Variants in AGAP1 observed in about 807,000 individuals in gnomAD.
AGAP1 encodes ArfGAP with GTPase domain, ankyrin repeat and PH domain 1.
In AGAP1, 29 loss-of-function variants were observed where a neutral mutation model predicts 105.3. The observed-to-expected ratio is 0.28, with a 90% CI of 0.21 to 0.38. AGAP1 has a LOEUF of 0.38. Among genes scored for constraint, AGAP1 ranks in the 10% least tolerant of loss-of-function variants. AGAP1 has a pLI of 1.00. For synonymous variants in AGAP1, 509 were observed against 485.9 expected (o/e 1.05, Z -0.63); for missense variants, 998 against 1,165.1 (o/e 0.86, Z 2.09).
intron 1 of AGAP1, among the ~76,000 whole-genome samples, chr2:235,540,191 C>T (rs1204470134): frequency 6.9e-6 from 1 of 144,932 alleles, no homozygotes; most frequent in Non-Finnish European, 1.5e-5. Context: ...TACTCTGTTG[C>T]CCAGGCTGGA....
rs2052058514 is a variant in AGAP1, at chr2:235,919,380, A to C, written c.1324+10474A>C. Among the ~76,000 whole-genome samples, 1 of 152,198 alleles carries C rather than the reference A, an allele frequency of 6.6e-6. No homozygotes were observed. The highest frequency in any genetic ancestry group is 1.5e-5 in the Non-Finnish European group (1 of 68,040). On this transcript the variant is annotated intron_variant, in intron 11 of 17. Coordinates refer to ENST00000304032, the MANE Select transcript of AGAP1 (RefSeq NM_001037131.3). The surrounding 1 kb of genome is among the most constrained non-coding windows in gnomAD (Gnocchi z 4.1). ...CATTGTTTTGAGTTACCACTCATATAGTGAACGTTTGCGTTTCTGGAGTAT... is the reference window on the plus strand; with the variant it reads ...CATTGTTTTGAGTTACCACTCATATCGTGAACGTTTGCGTTTCTGGAGTAT...
intron 1 of AGAP1, among the ~76,000 whole-genome samples, chr2:235,594,825 C>T (rs948279026): frequency 3.3e-5 from 5 of 150,238 alleles, no homozygotes; most frequent in South Asian, 2.1e-4. Flanking sequence ...CCACCTGCCT[C>T]GGCCTCCCAG....
Position 236,118,608 on chromosome 2 carries a change from C to G in AGAP1, c.2115-1584C>G, listed in dbSNP as rs368157941. On this transcript the variant is annotated intron_variant, in intron 16 of 17. Transcript: ENST00000304032. ...TTCACCATGTTGGCCAAGCTGGTCT[C>G]GAACTCCTGACCTCAGGTGATCCAC... 3.9e-5 allele frequency among the ~76,000 whole-genome samples: 6 copies of G among 152,078 alleles called. No homozygotes were observed. In the East Asian group the frequency reaches 1.2e-3, roughly 30 times the overall value.
rs183616934 is a variant in AGAP1, at chr2:235,709,183, C to T, written c.168C>T (p.Ala56=). ...IREHVIAIED[A]FVNSQEWTLS... ...TTGTGTCCTCCTCTTTTTCAGATGC[C>T]TTCGTGAACAGCCAGGAATGGACGC... Residue 56 remains alanine, a synonymous_variant, in exon 2 of 18, where the codon GCC becomes GCT. Coordinates refer to ENST00000304032, the MANE Select transcript of AGAP1 (RefSeq NM_001037131.3). The T allele has an allele frequency of 6.2e-7, 1 of 1,614,064 alleles. No homozygotes were observed. Among genetic ancestry groups the T allele is most frequent in the African/African-American group, 1.3e-5 (1 of 75,010 alleles).
chr2:235,546,781 C>G (rs1943636411), intron 1 of AGAP1, among the ~76,000 whole-genome samples: 1 of 152,140 alleles, frequency 6.6e-6, no homozygotes, highest in Non-Finnish European at 1.5e-5. Context: ...TCAGTGTGCT[C>G]TTTCTTGGCT....
At chr2:235,506,514 G>A (rs1307812122) in intron 1 of AGAP1, among the ~76,000 whole-genome samples, 1 of 150,156 alleles carries the variant, frequency 6.7e-6, no homozygotes, top group Non-Finnish European at 1.5e-5. Context: ...GTGAGATCTT[G>A]TCTCAAAAAA....
Position 235,829,608 on chromosome 2 carries a change from T to C in AGAP1, c.1050+22277T>C, listed in dbSNP as rs532892023. 2.4e-4 allele frequency among the ~76,000 whole-genome samples: 37 copies of C among 152,368 alleles called. No homozygotes were observed. In the South Asian group the frequency reaches 6.0e-3, roughly 25 times the overall value. On this transcript the variant is annotated intron_variant, in intron 9 of 17. Coordinates refer to ENST00000304032, the MANE Select transcript of AGAP1 (RefSeq NM_001037131.3). ...AATTAATCATGATGTTAGCTTGTTA[T>C]ATATTGCGAAGAGATTTTTTATAAG...
intron 13 of AGAP1, among the ~76,000 whole-genome samples, chr2:235,985,474 T>C (rs1340776712): frequency 1.3e-5 from 2 of 152,218 alleles, no homozygotes; most frequent in Non-Finnish European, 2.9e-5. Context: ...TTTGTCAATT[T>C]TGGCTTTTGT....
At chr2:235,679,118 C>T (rs1297652282) in intron 1 of AGAP1, among the ~76,000 whole-genome samples, 1 of 152,188 alleles carries the variant, frequency 6.6e-6, no homozygotes, top group Non-Finnish European at 1.5e-5. Flanking sequence ...ATGGAGAAAG[C>T]ACAGTGTCTT....
chr2:235,561,330 G>A (rs1240144247), intron 1 of AGAP1, among the ~76,000 whole-genome samples: 3 of 152,202 alleles, frequency 2.0e-5, no homozygotes, highest in Admixed American at 6.5e-5. Context: ...AGCTGCTGGG[G>A]TCTGCGGGTA....
rs1247462335 is a variant in AGAP1, at chr2:235,574,441, A to G, written c.163+79592A>G. Reference sequence around the variant, plus strand: ...ATTAGTGAAGGTGCATTATCTGATAAAGTAAATCTCAGCCACTGGGAAGAG... The same window carrying G: ...ATTAGTGAAGGTGCATTATCTGATAGAGTAAATCTCAGCCACTGGGAAGAG... On this transcript the variant is annotated intron_variant, in intron 1 of 17. Transcript: ENST00000304032. This position sits in a 1 kb window ranked among gnomAD's most constrained non-coding sequence, Gnocchi z 5.0. Among the ~76,000 whole-genome samples the G allele has an allele frequency of 6.6e-6, 1 of 152,254 alleles. No individual in the cohort carries two copies. The highest frequency in any genetic ancestry group is 1.5e-5 in the Non-Finnish European group (1 of 68,046).
rs1260940042 is a variant in AGAP1, at chr2:235,772,497, ACTTGTAGGTTATGG to A, written c.673+22015_673+22028del. 2.6e-5 allele frequency among the ~76,000 whole-genome samples: 4 copies of A among 152,286 alleles called. No homozygotes were observed. The East Asian group carries it at 7.7e-4, about 29-fold the overall frequency. On this transcript the variant is annotated intron_variant, in intron 6 of 17. Coordinates refer to ENST00000304032, the MANE Select transcript of AGAP1 (RefSeq NM_001037131.3). ...CTCAGTCAGCTACCAAGAAGCCAGC[ACTTGTAGGTTATGG>A]CTTGTGGATGGATAAACTCTGGGCT... is the stretch of plus-strand genomic sequence containing the variant.
chr2:235,615,028 C>A lies in AGAP1; in HGVS notation c.164-94151C>A, dbSNP rs147182395. Reference sequence around the variant, plus strand: ...TGTTCAAGGTGAGTGGTTTTCCTGGCGGTGTGGTTTTTTAAAATTTCTAAT... The same window carrying A: ...TGTTCAAGGTGAGTGGTTTTCCTGGAGGTGTGGTTTTTTAAAATTTCTAAT... On this transcript the variant is annotated intron_variant, in intron 1 of 17. Coordinates refer to ENST00000304032, the MANE Select transcript of AGAP1 (RefSeq NM_001037131.3). The surrounding 1 kb of genome is among the most constrained non-coding windows in gnomAD (Gnocchi z 5.0). 6.6e-6 allele frequency among the ~76,000 whole-genome samples: 1 copy of A among 152,150 alleles called. No individual in the cohort carries two copies. Among genetic ancestry groups the A allele is most frequent in the African/African-American group, 2.4e-5 (1 of 41,424 alleles).
intron 9 of AGAP1, among the ~76,000 whole-genome samples, chr2:235,813,007 C>G (rs538482744): frequency 2.5e-4 from 38 of 152,306 alleles, no homozygotes; most frequent in Non-Finnish European, 2.6e-4. Flanking sequence ...CACAACAGAC[C>G]CAGCCCAGTT....
rs896828092 is a variant in AGAP1, at chr2:235,979,933, C to T, written c.1645+11310C>T. Among the ~76,000 whole-genome samples the T allele has an allele frequency of 2.0e-5, 3 of 152,168 alleles. No homozygotes were observed. Among genetic ancestry groups the T allele is most frequent in the Admixed American group, 6.5e-5 (1 of 15,290 alleles). On this transcript the variant is annotated intron_variant, in intron 13 of 17. Coordinates refer to ENST00000304032, the MANE Select transcript of AGAP1 (RefSeq NM_001037131.3). The surrounding 1 kb of genome is among the most constrained non-coding windows in gnomAD (Gnocchi z 4.5). ...GTGATGTGATCATTATCTGCCACCT[C>T]GTCGCCTTGCTGCCTCTGCATGCAG...
chr2:235,599,234 A>G lies in AGAP1; in HGVS notation c.163+104385A>G, dbSNP rs1312307002. 1.3e-5 allele frequency among the ~76,000 whole-genome samples: 2 copies of G among 152,186 alleles called. No individual in the cohort carries two copies. The highest frequency in any genetic ancestry group is 6.8e-3 in the Middle Eastern group (2 of 294). On this transcript the variant is annotated intron_variant, in intron 1 of 17. Transcript: ENST00000304032. This position sits in a 1 kb window ranked among gnomAD's most constrained non-coding sequence, Gnocchi z 5.3. ...TTCCACGAATGCTGCGAGAACCCACACAGCTGTTCATTTCGGTGGCCGAGG... is the reference window on the plus strand; with the variant it reads ...TTCCACGAATGCTGCGAGAACCCACGCAGCTGTTCATTTCGGTGGCCGAGG...
chr2:235,823,335 G>A (rs561755664), intron 9 of AGAP1, among the ~76,000 whole-genome samples: 26 of 151,728 alleles, frequency 1.7e-4, no homozygotes, highest in African/African-American at 5.3e-4. Flanking sequence ...CCACCTCCCC[G>A]TATCACCCAG....
chr2:236,015,634 C>T (rs1342141972), intron 13 of AGAP1, among the ~76,000 whole-genome samples: 1 of 152,046 alleles, frequency 6.6e-6, no homozygotes. Context: ...ACCATCAGCC[C>T]AAGCGCACAT....
In AGAP1 at chr2:235,622,721, T is replaced by C. The variant is rs1368033347; in HGVS notation, c.164-86458T>C. Reference sequence around the variant, plus strand: ...GGATCACTTGGACCACGGTAGCTAATGTTTGTAGCGCGCTCACGTATGCCA... The same window carrying C: ...GGATCACTTGGACCACGGTAGCTAACGTTTGTAGCGCGCTCACGTATGCCA... On this transcript the variant is annotated intron_variant, in intron 1 of 17. Coordinates refer to ENST00000304032, the MANE Select transcript of AGAP1 (RefSeq NM_001037131.3). The surrounding 1 kb of genome is among the most constrained non-coding windows in gnomAD (Gnocchi z 5.0). 2.0e-5 allele frequency among the ~76,000 whole-genome samples: 3 copies of C among 152,042 alleles called. No homozygotes were observed. The highest frequency in any genetic ancestry group is 2.9e-5 in the Non-Finnish European group (2 of 68,028).
Sources: allele counts gnomAD v4.1 joint callset (sites outside exome capture counted in the v4.1 genomes callset), GRCh38; gene constraint gnomAD v4.1.1; non-coding constraint Gnocchi (gnomAD v3.1); transcripts MANE v1.5; gene names NCBI Gene and HGNC (gene_info 2026-07-23, HGNC 2026-07-21).